The following YIPF3 variants were observed in gnomAD, a reference collection of about 807,000 sequenced individuals.
The protein encoded by YIPF3 is Yip1 domain family member 3, also known as protein YIPF3.
Under a neutral mutation model 40.3 loss-of-function variants are expected in YIPF3, and 18 were observed. The ratio of observed to expected loss-of-function variants is 0.45; its 90% confidence interval spans 0.31 to 0.66. YIPF3 has a LOEUF of 0.66. YIPF3 is among the 30% of genes least tolerant of loss of function. YIPF3 has a pLI of 0.07. For synonymous variants in YIPF3, 190 were observed against 179.6 expected (o/e 1.06, Z -0.46); for missense variants, 406 against 452.2 (o/e 0.90, Z 0.93).
At chr6:43,513,306 G>A in intron 5 of YIPF3, 53 bp downstream of exon 5, 2 of 1,613,518 alleles carry the variant, frequency 1.2e-6, no homozygotes, top group Non-Finnish European at 1.7e-6. Context: ...TGTATCCTCA[G>A]GCAGCTTTCA....
intron 4 of YIPF3, 43 bp downstream of exon 4, chr6:43,513,545 T>C: frequency 1.2e-6 from 2 of 1,601,668 alleles, no homozygotes; most frequent in Non-Finnish European, 1.7e-6. Context: ...CCCTCTGCCC[T>C]GGTGCTTCCC....
At position 43,516,899 on chromosome 6, in the gene YIPF3, C is replaced by T; in HGVS notation, c.-92G>A. On this transcript the variant is annotated 5_prime_UTR_variant, in exon 1 of 9. Coordinates refer to ENST00000372422, the MANE Select transcript of YIPF3 (RefSeq NM_015388.4). ...CCTCCGGAAGGTAGACGTCCAGGGTCGAGGAGAGGTGGGATCGGCCGGAAC... is the reference window on the plus strand; with the variant it reads ...CCTCCGGAAGGTAGACGTCCAGGGTTGAGGAGAGGTGGGATCGGCCGGAAC... 1 of 1,411,684 alleles carries T rather than the reference C, an allele frequency of 7.1e-7. No individual in the cohort carries two copies. The highest frequency in any genetic ancestry group is 2.5e-5 in the East Asian group (1 of 40,230). 87.4% of individuals were successfully genotyped at this position (1,411,684 alleles called of 1,614,324 possible).
chr6:43,515,573 T>C, intron 3 of YIPF3, 22 bp downstream of exon 3: 1 of 1,612,568 alleles, frequency 6.2e-7, no homozygotes, highest in Non-Finnish European at 8.5e-7. Flanking sequence ...GAGGGAAGCT[T>C]CTTCAAGAGA....
chr6:43,516,296 AAC>A, intron 1 of YIPF3: 1 of 1,207,158 alleles, frequency 8.3e-7, no homozygotes. Flanking sequence ...TAGCCTGGGA[AAC>A]CTACTAGTCT....
Position 43,515,583 on chromosome 6 carries a change from A to AAGGCTCCTCACCTGCTTCGCACCTGAGC in YIPF3, c.379_395+11dup. ...GTTAGGAGGGAAGCTTCTTCAAGAGAAGGCTCCTCACCTGCTTCGCACCTG... is the reference window on the plus strand; with the variant it reads ...GTTAGGAGGGAAGCTTCTTCAAGAGAAGGCTCCTCACCTGCTTCGCACCTGAGCAGGCTCCTCACCTGCTTCGCACCTG... On this transcript the variant is annotated intron_variant, in intron 3 of 8. Transcript: ENST00000372422. The AAGGCTCCTCACCTGCTTCGCACCTGAGC allele has an allele frequency of 6.2e-7, 1 of 1,613,004 alleles. No individual in the cohort carries two copies.
Position 43,512,878 on chromosome 6 carries a change from G to A in YIPF3, c.667-4C>T. Reference sequence around the variant, plus strand: ...AATGCCCAAAGAGGCCATAGCCCTGGGAAGGAGGATGGTGGAGAGGAAAAT... The same window carrying A: ...AATGCCCAAAGAGGCCATAGCCCTGAGAAGGAGGATGGTGGAGAGGAAAAT... On this transcript the variant is annotated splice_polypyrimidine_tract_variant and splice_region_variant and intron_variant, in intron 6 of 8. Coordinates refer to ENST00000372422, the MANE Select transcript of YIPF3 (RefSeq NM_015388.4). 2.5e-6 allele frequency: 4 copies of A among 1,612,912 alleles called. No homozygotes were observed. In the African/African-American group the frequency reaches 4.0e-5, roughly 16 times the overall value.
chr6:43,513,444 G>C lies in YIPF3; in HGVS notation c.449C>G (p.Ala150Gly). The C allele has an allele frequency of 6.2e-7, 1 of 1,614,186 alleles. No individual in the cohort carries two copies. Residue 150 changes from alanine (A) to glycine (G), a missense_variant, in exon 5 of 9, where the codon GCA (alanine) becomes GGA (glycine). By Grantham distance (60) the Ala-to-Gly change is moderately conservative (BLOSUM62 0). Coordinates refer to ENST00000372422, the MANE Select transcript of YIPF3 (RefSeq NM_015388.4). ...CATGAGAGGTCCATAGAGTTCACCT[G>C]CAATTTTCTGTCAATATACCAATTC... ...IKMVNFPQKI[A>G]GELYGPLMLV...
chr6:43,513,821 A>G (rs1467990772), intron 3 of YIPF3, 188 bp from the exon 4 acceptor site: 4 of 523,162 alleles, frequency 7.6e-6, no homozygotes, highest in South Asian at 4.3e-5. Context: ...CCTTGCCCCT[A>G]AAGTTACTTC....
Position 43,512,860 on chromosome 6 carries a change from A to G in YIPF3, c.681T>C (p.Phe227=). 1 of 1,613,982 alleles carries G rather than the reference A, an allele frequency of 6.2e-7. No homozygotes were observed. ...TGATGAACAGGACAATGCAATGCCC[A>G]AAGAGGCCATAGCCCTGGGAAGGAG... ...QMLALLGYGL[F]GHCIVLFITY... Residue 227 remains phenylalanine (F), a synonymous_variant, in exon 7 of 9, where the codon TTT becomes TTC. Coordinates refer to ENST00000372422, the MANE Select transcript of YIPF3 (RefSeq NM_015388.4).
rs1443659824 is a variant in YIPF3 at position 43,516,563 on chromosome 6, TTTCA to T, written c.81+160_81+163del. ...TCAGGCTGGAGTAGTAGTCTGGCCC[TTTCA>T]GGTCAATGTTAATCCCACTGACTTT... On this transcript the variant is annotated intron_variant, in intron 1 of 8. Transcript: ENST00000372422. 4 of 817,360 alleles carry T rather than the reference TTTCA, an allele frequency of 4.9e-6. No homozygotes were observed. The East Asian group carries it at 1.1e-4, about 22-fold the overall frequency. 50.6% of individuals were successfully genotyped at this position (817,360 alleles called of 1,614,324 possible).
chr6:43,515,624 A>C lies in YIPF3; in HGVS notation c.366T>G (p.Phe122Leu). The C allele has an allele frequency of 6.2e-7, 1 of 1,613,682 alleles. No homozygotes were observed. The highest frequency in any genetic ancestry group is 8.5e-7 in the Non-Finnish European group (1 of 1,180,030). ...TTCGCACCTGAGCAGGCTCCACATCAAAGTAGGGTCTGAGGATGTCGATGT... is the reference window on the plus strand; with the variant it reads ...TTCGCACCTGAGCAGGCTCCACATCCAAGTAGGGTCTGAGGATGTCGATGT... ...YANIDILRPY[F>L]DVEPAQVRSR... Residue 122 changes from phenylalanine (F) to leucine (L), a missense_variant, in exon 3 of 9, where the codon TTT becomes TTG. Physicochemically the swap from Phe to Leu is conservative, Grantham distance 22. Coordinates refer to ENST00000372422, the MANE Select transcript of YIPF3 (RefSeq NM_015388.4).
chr6:43,513,463 C>G lies in YIPF3; in HGVS notation c.442-12G>C, dbSNP rs1239778546. ...TCACCTGCAATTTTCTGTCAATATA[C>G]CAATTCATTCAGGCTGGAGGGTACA... On this transcript the variant is annotated splice_polypyrimidine_tract_variant and intron_variant, in intron 4 of 8. Coordinates refer to ENST00000372422, the MANE Select transcript of YIPF3 (RefSeq NM_015388.4). The G allele has an allele frequency of 1.2e-6, 2 of 1,614,126 alleles. No individual in the cohort carries two copies. The highest frequency in any genetic ancestry group is 1.7e-6 in the Non-Finnish European group (2 of 1,179,984).
intron 6 of YIPF3, 89 bp downstream of exon 6, chr6:43,512,980 T>C: frequency 6.3e-7 from 1 of 1,594,588 alleles, no homozygotes. Flanking sequence ...CTCCTCCCAT[T>C]CCAGGCTTTG....
In YIPF3 at chr6:43,512,217, C is replaced by G; in HGVS notation, c.1003G>C (p.Val335Leu). ...MLPAARLPTT[V>L]LNATAKAVAV... ...ACAGCTTTGGCTGTGGCGTTGAGGA[C>G]GGTGGTGGGAAGCCGAGCAGCAGGG... Residue 335 changes from valine (V) to leucine (L), a missense_variant, in exon 9 of 9, where the codon GTC (valine) becomes CTC (leucine). Transcript: ENST00000372422. 1 of 1,614,086 alleles carries G rather than the reference C, an allele frequency of 6.2e-7. No homozygotes were observed. The highest frequency in any genetic ancestry group is 8.5e-7 in the Non-Finnish European group (1 of 1,180,000).
intron 3 of YIPF3, 188 bp from the exon 4 acceptor site, chr6:43,513,821 A>C (rs1467990772): frequency 1.9e-6 from 1 of 523,162 alleles, no homozygotes; most frequent in African/African-American, 1.9e-5. Flanking sequence ...CCTTGCCCCT[A>C]AAGTTACTTC....
Position 43,515,599 on chromosome 6 carries a change from T to C in YIPF3, c.391A>G (p.Ser131Gly), listed in dbSNP as rs1263050499. ...YFDVEPAQVR[S>G]RLLESMIPIK... Reference sequence around the variant, plus strand: ...CTTCAAGAGAAGGCTCCTCACCTGCTTCGCACCTGAGCAGGCTCCACATCA... The same window carrying C: ...CTTCAAGAGAAGGCTCCTCACCTGCCTCGCACCTGAGCAGGCTCCACATCA... The change falls in exon 3 of 9, where the codon AGC (serine) becomes GGC (glycine). Residue 131 changes from serine (S) to glycine (G), a missense_variant. Physicochemically the swap from Ser to Gly is moderately conservative, Grantham distance 56. Transcript: ENST00000372422. The C allele has an allele frequency of 6.2e-7, 1 of 1,613,366 alleles. No individual in the cohort carries two copies. The highest frequency in any genetic ancestry group is 8.5e-7 in the Non-Finnish European group (1 of 1,179,986).
chr6:43,516,247 C>A (rs1028783160), intron 1 of YIPF3, 152 bp from the exon 2 acceptor site: 3 of 1,441,306 alleles, frequency 2.1e-6, no homozygotes, highest in African/African-American at 2.9e-5. Flanking sequence ...CCCTCATATG[C>A]TCTCAGAACG....
At chr6:43,513,980 G>A (rs1351091957) in intron 3 of YIPF3, 4 of 199,070 alleles carry the variant, frequency 2.0e-5, no homozygotes, top group East Asian at 2.4e-4. Flanking sequence ...GGTGGCTCAC[G>A]CCTGTAATCC....
intron 1 of YIPF3, 133 bp downstream of exon 1, chr6:43,516,594 G>C: frequency 3.8e-6 from 4 of 1,043,498 alleles, no homozygotes; most frequent in Non-Finnish European, 5.6e-6. Flanking sequence ...ACTGACTTTA[G>C]TGTGCACGAA....
Sources: gnomAD v4.1 joint callset for allele counts on GRCh38, gnomAD v4.1.1 for gene constraint, MANE v1.5 for transcripts, NCBI Gene and HGNC (gene_info 2026-07-23, HGNC 2026-07-21) for gene names.